SLC39A11: variants seen among roughly 807,000 people sequenced by gnomAD.
SLC39A11 encodes the protein solute carrier family 39 member 11, also known as zinc transporter ZIP11.
SLC39A11 carries 33 observed loss-of-function variants against 36.1 expected under a neutral mutation model. The ratio of observed to expected loss-of-function variants is 0.91; its 90% CI spans 0.69 to 1.22. The LOEUF (loss-of-function observed/expected upper bound fraction) is 1.22, where lower values mean the gene tolerates loss of function less well. Ranked by LOEUF, SLC39A11 falls within the 50% of genes most tolerant of loss-of-function variation. The pLI, the probability that SLC39A11 is intolerant of heterozygous loss-of-function variation, is 0.00. For synonymous variants in SLC39A11, 166 were observed against 170.3 expected (o/e 0.97, Z 0.20); for missense variants, 432 against 430.3 (o/e 1.00, Z -0.03).
chr17:73,065,636 C>G (rs932626914), intron 3 of SLC39A11, among the ~76,000 whole-genome samples: 1 of 152,152 alleles, frequency 6.6e-6, no homozygotes, highest in Non-Finnish European at 1.5e-5. Flanking sequence ...ACAGCTAATT[C>G]TTGCTTCCAG....
At chr17:72,959,364 T>TATATATATATAC (rs1375295540) in intron 4 of SLC39A11, among the ~76,000 whole-genome samples, 7 of 138,984 alleles carry the variant, frequency 5.0e-5, no homozygotes, top group African/African-American at 1.6e-4. Flanking sequence ...TATATATATA[T>TATATATATATAC]ATGATCGAAT....
rs549315335 is a variant in SLC39A11, at chr17:72,803,055, G to A, written c.601+46579C>T. ...CCTTTCTATCAAACAAAAACGGAAC[G>A]TCCTGCTTTCTTGTTTGTAGAATAC... On this transcript the variant is annotated intron_variant, in intron 6 of 9. Transcript: ENST00000255559. Among the ~76,000 whole-genome samples the A allele has an allele frequency of 5.3e-5, 8 of 152,330 alleles. No individual in the cohort carries two copies. The South Asian group carries it at 1.7e-3, about 32-fold the overall frequency.
intron 5 of SLC39A11, among the ~76,000 whole-genome samples, chr17:72,866,151 G>A (rs768850544): frequency 3.3e-5 from 5 of 152,162 alleles, no homozygotes; most frequent in African/African-American, 7.2e-5. Context: ...CATCGTTCAC[G>A]TTACCACCTA....
At chr17:72,840,146 A>G (rs2078739845) in intron 6 of SLC39A11, among the ~76,000 whole-genome samples, 1 of 152,142 alleles carries the variant, frequency 6.6e-6, no homozygotes, top group Non-Finnish European at 1.5e-5. Context: ...ATCACTTTGG[A>G]TTAAAATCCC....
chr17:72,827,088 A>T (rs909016205), intron 6 of SLC39A11, among the ~76,000 whole-genome samples: 1 of 152,238 alleles, frequency 6.6e-6, no homozygotes, highest in African/African-American at 2.4e-5. Context: ...CCAACAGTAG[A>T]TATAACCCAA....
chr17:73,003,321 T>A (rs999668872), intron 4 of SLC39A11, among the ~76,000 whole-genome samples: 2 of 152,126 alleles, frequency 1.3e-5, no homozygotes, highest in Admixed American at 1.3e-4. Context: ...AGAAATTGAG[T>A]TGTGTGTGCT....
At chr17:72,820,647 G>A (rs2077740573) in intron 6 of SLC39A11, among the ~76,000 whole-genome samples, 1 of 151,354 alleles carries the variant, frequency 6.6e-6, no homozygotes, top group Admixed American at 6.6e-5. Context: ...AGTGTTGGGG[G>A]AGCCAGAGTG....
At chr17:73,090,222 G>C (rs752780318) in intron 1 of SLC39A11, among the ~76,000 whole-genome samples, 1 of 152,126 alleles carries the variant, frequency 6.6e-6, no homozygotes, top group Non-Finnish European at 1.5e-5. Context: ...AAGCGGCTCA[G>C]CAACACACCC....
intron 7 of SLC39A11, among the ~76,000 whole-genome samples, chr17:72,668,381 C>T (rs1358364077): frequency 6.6e-6 from 1 of 151,890 alleles, no homozygotes; most frequent in Non-Finnish European, 1.5e-5. Flanking sequence ...GAAATATTCC[C>T]AAGGTGCCAA....
chr17:73,007,713 G>A (rs945789649), intron 4 of SLC39A11, among the ~76,000 whole-genome samples: 2 of 152,212 alleles, frequency 1.3e-5, no homozygotes, highest in African/African-American at 4.8e-5. Context: ...GGAGAACGGT[G>A]AACGAAGTCC....
chr17:72,894,170 T>C (rs1358727424), intron 5 of SLC39A11, among the ~76,000 whole-genome samples: 4 of 151,352 alleles, frequency 2.6e-5, no homozygotes, highest in African/African-American at 9.7e-5. Context: ...AAGACCAGCC[T>C]GACCAACATG....
chr17:73,016,155 A>G (rs2058157679), intron 4 of SLC39A11, among the ~76,000 whole-genome samples: 1 of 152,136 alleles, frequency 6.6e-6, no homozygotes, highest in Non-Finnish European at 1.5e-5. Context: ...ACTAGATATG[A>G]CAATATGTCC....
intron 3 of SLC39A11, among the ~76,000 whole-genome samples, chr17:73,049,398 G>C (rs546855264): frequency 6.6e-6 from 1 of 151,804 alleles, no homozygotes; most frequent in South Asian, 2.1e-4. Flanking sequence ...GCAGCTGGGC[G>C]GACGCGCCTT....
At chr17:72,733,254 T>C (rs572337124) in intron 7 of SLC39A11, among the ~76,000 whole-genome samples, 1 of 152,328 alleles carries the variant, frequency 6.6e-6, no homozygotes, top group South Asian at 2.1e-4. Context: ...GGCTGTGTAG[T>C]AAAAACCATG....
At chr17:72,830,997 G>A (rs1022708926) in intron 6 of SLC39A11, among the ~76,000 whole-genome samples, 4 of 152,168 alleles carry the variant, frequency 2.6e-5, no homozygotes, top group Non-Finnish European at 5.9e-5. Flanking sequence ...ACGTCACTGA[G>A]ACTTAGTGAT....
intron 7 of SLC39A11, among the ~76,000 whole-genome samples, chr17:72,656,292 A>C (rs1215819713): frequency 6.6e-6 from 1 of 152,062 alleles, no homozygotes; most frequent in Non-Finnish European, 1.5e-5. Context: ...ACGACACATT[A>C]ATGGGAAGGA....
intron 6 of SLC39A11, among the ~76,000 whole-genome samples, chr17:72,744,170 A>C (rs2074832898): frequency 6.6e-6 from 1 of 152,194 alleles, no homozygotes; most frequent in South Asian, 2.1e-4. Flanking sequence ...TTCTTGCAAA[A>C]ATGAAAGGGG....
At chr17:73,038,721 AAGAG>A (rs985387639) in intron 3 of SLC39A11, among the ~76,000 whole-genome samples, 7 of 136,174 alleles carry the variant, frequency 5.1e-5, no homozygotes, top group African/African-American at 1.6e-4. Context: ...GAAAAAGAGA[AAGAG>A]AGAGAGAGAG....
chr17:72,944,059 A>C (rs2085276135), intron 5 of SLC39A11, among the ~76,000 whole-genome samples: 1 of 152,158 alleles, frequency 6.6e-6, no homozygotes, highest in South Asian at 2.1e-4. Context: ...AATGCCTCCT[A>C]ACGTCACCTC....
Sources: gnomAD v4.1 joint callset for allele counts (sites outside exome capture counted in the v4.1 genomes callset) on GRCh38, gnomAD v4.1.1 for gene constraint, MANE v1.5 for transcripts, NCBI Gene and HGNC (gene_info 2026-07-23, HGNC 2026-07-21) for gene names.